SLC35D4: variants seen among roughly 807,000 people sequenced by gnomAD.
SLC35D4 encodes the protein solute carrier family 35 member D4, also known as UDP-N-acetylglucosamine transporter SLC35D4.
the SLC35D4 span, among the ~76,000 whole-genome samples, chr18:23,249,501 C>T: frequency 2.6e-5 from 4 of 152,226 alleles, no homozygotes; most frequent in Non-Finnish European, 5.9e-5. Context: ...TGCGAGGCCC[C>T]ACCCTCAGAG....
At chr18:23,403,952 T>C in the SLC35D4 span, among the ~76,000 whole-genome samples, 5 of 151,962 alleles carry the variant, frequency 3.3e-5, no homozygotes, top group Non-Finnish European at 7.4e-5. Context: ...ACCCCATCTC[T>C]CCTAAAAATA....
the SLC35D4 span, among the ~76,000 whole-genome samples, chr18:23,380,252 AAC>A: frequency 6.6e-6 from 1 of 152,150 alleles, no homozygotes; most frequent in Non-Finnish European, 1.5e-5. Context: ...TGGGGTAATT[AAC>A]AGTCATTGGT....
chr18:23,248,000 G>A, the SLC35D4 span, among the ~76,000 whole-genome samples: 1 of 152,202 alleles, frequency 6.6e-6, no homozygotes, highest in African/African-American at 2.4e-5. Context: ...GTCAGGAAAC[G>A]GAGTCCCCAG....
the SLC35D4 span, chr18:23,298,177 T>A: frequency 8.0e-7 from 1 of 1,255,542 alleles, no homozygotes; most frequent in Non-Finnish European, 1.1e-6. Context: ...CAACTGAGAC[T>A]CATCACCAGC....
chr18:23,344,965 C>T, the SLC35D4 span, among the ~76,000 whole-genome samples: 1 of 152,068 alleles, frequency 6.6e-6, no homozygotes, highest in Non-Finnish European at 1.5e-5. Flanking sequence ...TACATTTTAT[C>T]AATTATTTTA....
the SLC35D4 span, among the ~76,000 whole-genome samples, chr18:23,356,854 T>A: frequency 1.3e-5 from 2 of 152,238 alleles, no homozygotes; most frequent in East Asian, 3.8e-4. The surrounding 1 kb of genome is among the most constrained non-coding windows in gnomAD (Gnocchi z 4.1). Flanking sequence ...AACAGTATGA[T>A]AATAATAATG....
the SLC35D4 span, chr18:23,430,630 C>T: frequency 2.5e-6 from 4 of 1,610,452 alleles, no homozygotes; most frequent in South Asian, 3.3e-5. Flanking sequence ...AAGATACTCA[C>T]CCTTGGAATA....
At chr18:23,326,566 C>T in the SLC35D4 span, among the ~76,000 whole-genome samples, 1 of 152,126 alleles carries the variant, frequency 6.6e-6, no homozygotes, top group Admixed American at 6.5e-5. Context: ...TCCTTAGAGA[C>T]CTACAAAGAG....
At chr18:23,239,061 GATCTGATCTTTTTT>G in the SLC35D4 span, among the ~76,000 whole-genome samples, 2 of 152,238 alleles carry the variant, frequency 1.3e-5, no homozygotes, top group African/African-American at 4.8e-5. Context: ...GCTGGTGCTA[GATCTGATCTTTTTT>G]ATCTGATCTT....
chr18:23,283,490 A>AAAAG, the SLC35D4 span, among the ~76,000 whole-genome samples: 71 of 149,506 alleles, frequency 4.7e-4, 1 homozygote, highest in African/African-American at 1.3e-3. Flanking sequence ...AAAAAAAAAA[A>AAAAG]AAAGAAAGAA....
the SLC35D4 span, among the ~76,000 whole-genome samples, chr18:23,409,255 T>C: frequency 3.5e-4 from 53 of 152,368 alleles, no homozygotes; most frequent in African/African-American, 1.3e-3. Context: ...CCACTGTTAA[T>C]ACCTTACTAT....
the SLC35D4 span, among the ~76,000 whole-genome samples, chr18:23,394,970 C>T: frequency 1.0e-4 from 10 of 98,992 alleles, no homozygotes; most frequent in Non-Finnish European, 1.4e-4. Context: ...GCAACAAAAG[C>T]GAAACTCCAT....
the SLC35D4 span, among the ~76,000 whole-genome samples, chr18:23,379,958 G>A: frequency 6.6e-6 from 1 of 152,068 alleles, no homozygotes; most frequent in Admixed American, 6.5e-5. Flanking sequence ...TTAGCCAGGT[G>A]TGGTGGCGCA....
chr18:23,368,708 A>G, the SLC35D4 span: 32 of 1,362,952 alleles, frequency 2.3e-5, no homozygotes, highest in Non-Finnish European at 3.1e-5. Context: ...TGTAAATTAT[A>G]TTTTACCTGA....
chr18:23,363,351 T>C, the SLC35D4 span, among the ~76,000 whole-genome samples: 3 of 149,962 alleles, frequency 2.0e-5, no homozygotes, highest in African/African-American at 7.4e-5. Flanking sequence ...CCAAAGGCCT[T>C]TGACAAAAGC....
chr18:23,429,751 CTGA>C, the SLC35D4 span, among the ~76,000 whole-genome samples: 1 of 152,188 alleles, frequency 6.6e-6, no homozygotes, highest in Non-Finnish European at 1.5e-5. Context: ...TTGCATTTCT[CTGA>C]TGATTAGTGA....
At chr18:23,350,476 CTG>C in the SLC35D4 span, among the ~76,000 whole-genome samples, 3 of 152,188 alleles carry the variant, frequency 2.0e-5, no homozygotes, top group African/African-American at 4.8e-5. Context: ...CACAGCTCCT[CTG>C]TGTGTGTATG....
At chr18:23,244,236 GATAA>G in the SLC35D4 span, among the ~76,000 whole-genome samples, 1 of 152,222 alleles carries the variant, frequency 6.6e-6, no homozygotes, top group Non-Finnish European at 1.5e-5. Context: ...TGTAGCACCA[GATAA>G]ATAGTTGACA....
At chr18:23,363,763 A>AG in the SLC35D4 span, among the ~76,000 whole-genome samples, 1 of 152,200 alleles carries the variant, frequency 6.6e-6, no homozygotes, top group Non-Finnish European at 1.5e-5. Context: ...AAGGAATGAT[A>AG]GGAGACGCAA....
Sources: allele counts gnomAD v4.1 joint callset (sites outside exome capture counted in the v4.1 genomes callset), GRCh38; gene constraint gnomAD v4.1.1; non-coding constraint Gnocchi (gnomAD v3.1); transcripts MANE v1.5; gene names NCBI Gene and HGNC (gene_info 2026-07-23, HGNC 2026-07-21).